The following XRCC4 variants were observed in gnomAD, a reference collection of about 807,000 sequenced individuals.
The protein encoded by XRCC4 is DNA repair protein XRCC4.
XRCC4 carries 28 observed loss-of-function variants against 39.1 expected under a neutral mutation model. The ratio of observed to expected loss-of-function variants is 0.72; its 90% CI spans 0.53 to 0.98. The LOEUF is 0.98. Among genes scored for constraint, XRCC4 ranks in the 50% least tolerant of loss-of-function variants. The pLI is 0.00. For missense variants in XRCC4, 350 were observed against 376.4 expected, an observed-to-expected ratio of 0.93 and a Z score of 0.58; for synonymous variants, 123 against 126.4, an observed-to-expected ratio of 0.97 and a Z score of 0.18.
At chr5:83,112,448 C>T (rs1180638043) in intron 3 of XRCC4, among the ~76,000 whole-genome samples, 1 of 152,308 alleles carries the variant, frequency 6.6e-6, no homozygotes, top group East Asian at 1.9e-4. Context: ...TAGTTTTTAT[C>T]TGTTTCACAC....
At chr5:83,164,486 A>T (rs1749365340) in intron 3 of XRCC4, among the ~76,000 whole-genome samples, 1 of 152,142 alleles carries the variant, frequency 6.6e-6, no homozygotes, top group Admixed American at 6.5e-5. Flanking sequence ...TGTTAGAAAT[A>T]GCTCCCTTAG....
At chr5:83,132,159 T>A (rs1257125494) in intron 3 of XRCC4, among the ~76,000 whole-genome samples, 1 of 152,164 alleles carries the variant, frequency 6.6e-6, no homozygotes, top group Non-Finnish European at 1.5e-5. Context: ...TGGCTGGACA[T>A]GAAATTCTGG....
chr5:83,077,760 C>T (rs945747800), intron 1 of XRCC4, 145 bp downstream of exon 1: 3 of 164,804 alleles, frequency 1.8e-5, no homozygotes, highest in Non-Finnish European at 4.0e-5. Flanking sequence ...AATTTGTGAG[C>T]TCCCGCGACT....
intron 6 of XRCC4, among the ~76,000 whole-genome samples, chr5:83,233,569 C>T (rs1015586976): frequency 1.3e-5 from 2 of 151,636 alleles, no homozygotes; most frequent in Non-Finnish European, 1.5e-5. Context: ...TATGCAGAAA[C>T]GTTTCTTCTA....
the XRCC4 span, among the ~76,000 whole-genome samples, chr5:83,365,415 T>A: frequency 9.2e-4 from 140 of 152,248 alleles, no homozygotes; most frequent in African/African-American, 3.2e-3. Context: ...AAAAGAAAGA[T>A]AAAACAAGTA....
chr5:83,247,054 GA>G (rs1324802378), intron 6 of XRCC4, among the ~76,000 whole-genome samples: 2 of 152,286 alleles, frequency 1.3e-5, no homozygotes, highest in East Asian at 1.9e-4. Flanking sequence ...AAAGGGAAGA[GA>G]AAATATTTTA....
downstream of XRCC4, among the ~76,000 whole-genome samples, chr5:83,357,732 G>A (rs558523679): frequency 6.6e-6 from 1 of 152,270 alleles, no homozygotes; most frequent in African/African-American, 2.4e-5. Flanking sequence ...GGTATGAGCT[G>A]CCAAAAAATC....
At chr5:83,123,312 T>A (rs1747101253) in intron 3 of XRCC4, among the ~76,000 whole-genome samples, 1 of 152,080 alleles carries the variant, frequency 6.6e-6, no homozygotes, top group Non-Finnish European at 1.5e-5. Flanking sequence ...TTGATGTTAT[T>A]TGTCCTGAAA....
At chr5:83,099,667 A>C (rs1052008628) in intron 1 of XRCC4, among the ~76,000 whole-genome samples, 2 of 152,190 alleles carry the variant, frequency 1.3e-5, no homozygotes, top group African/African-American at 4.8e-5. Context: ...TGATGTACAA[A>C]TTGGGGTGGG....
intron 6 of XRCC4, among the ~76,000 whole-genome samples, chr5:83,218,809 A>G (rs1751971073): frequency 6.6e-6 from 1 of 152,106 alleles, no homozygotes; most frequent in Non-Finnish European, 1.5e-5. Flanking sequence ...TGTGGTTTTT[A>G]AGAAGTGTTT....
At chr5:83,178,659 G>A (rs1750071234) in intron 3 of XRCC4, among the ~76,000 whole-genome samples, 1 of 152,176 alleles carries the variant, frequency 6.6e-6, no homozygotes, top group African/African-American at 2.4e-5. Context: ...CAGTAGTAAA[G>A]GGGGATTAAG....
intron 7 of XRCC4, among the ~76,000 whole-genome samples, chr5:83,331,134 A>AT (rs1756426227): frequency 6.6e-6 from 1 of 151,942 alleles, no homozygotes; most frequent in African/African-American, 2.4e-5. Flanking sequence ...TGTTGTGCTG[A>AT]TTTTTTTGTT....
chr5:83,160,767 T>C (rs969146403), intron 3 of XRCC4, among the ~76,000 whole-genome samples: 1 of 152,174 alleles, frequency 6.6e-6, no homozygotes, highest in Non-Finnish European at 1.5e-5. Context: ...TGTAGACAAG[T>C]ACCACCTCAG....
chr5:83,080,254 C>T (rs558236841), intron 1 of XRCC4, among the ~76,000 whole-genome samples: 100 of 152,182 alleles, frequency 6.6e-4, no homozygotes, highest in Admixed American at 9.8e-4. Context: ...CAGCCGGGTG[C>T]GGTGGCTCAT....
chr5:83,295,389 C>T (rs1000368631), intron 7 of XRCC4, among the ~76,000 whole-genome samples: 4 of 152,040 alleles, frequency 2.6e-5, no homozygotes, highest in Non-Finnish European at 4.4e-5. Context: ...AAGGCACCCA[C>T]GTCGTCATCA....
chr5:83,316,427 G>A (rs1755885388), intron 7 of XRCC4, among the ~76,000 whole-genome samples: 1 of 151,150 alleles, frequency 6.6e-6, no homozygotes. Context: ...AAAGAGTCAA[G>A]ACCCATCAGT....
intron 7 of XRCC4, among the ~76,000 whole-genome samples, chr5:83,308,512 TAAG>T (rs1162283786): frequency 6.6e-6 from 1 of 152,200 alleles, no homozygotes; most frequent in Non-Finnish European, 1.5e-5. Context: ...CCCAGGTTCT[TAAG>T]AAAGATCAGT....
intron 3 of XRCC4, among the ~76,000 whole-genome samples, chr5:83,173,174 A>G (rs1450937785): frequency 6.6e-6 from 1 of 152,132 alleles, no homozygotes; most frequent in Non-Finnish European, 1.5e-5. Flanking sequence ...TTGGGAAATG[A>G]GCTATCCTTA....
At chr5:83,187,822 G>A (rs1452124330) in intron 3 of XRCC4, among the ~76,000 whole-genome samples, 1 of 152,110 alleles carries the variant, frequency 6.6e-6, no homozygotes, top group Non-Finnish European at 1.5e-5. Flanking sequence ...ACTAAAATGT[G>A]ACTTGTGTGA....
Sources: gnomAD v4.1 joint callset for allele counts (sites outside exome capture counted in the v4.1 genomes callset) on GRCh38, gnomAD v4.1.1 for gene constraint, MANE v1.5 for transcripts, NCBI Gene and HGNC (gene_info 2026-07-23, HGNC 2026-07-21) for gene names.